The following LRRIQ1 variants were observed in gnomAD, a reference collection of about 807,000 sequenced individuals.
The protein encoded by LRRIQ1 is leucine rich repeats and IQ motif containing 1, also known as leucine-rich repeat- and IQ domain-containing protein 1.
LRRIQ1 carries 210 observed loss-of-function variants against 211.9 expected under a neutral mutation model. The observed-to-expected ratio is 0.99, with a 90% CI of 0.89 to 1.11. LRRIQ1 has a LOEUF of 1.11. LRRIQ1 is among the 50% of genes most tolerant of loss of function. The pLI is 0.00. For synonymous variants in LRRIQ1, 699 were observed against 650.1 expected (o/e 1.08, Z -1.14); for missense variants, 2,136 against 1,939.5 (o/e 1.10, Z -1.90).
At chr12:85,111,828 C>CT (rs1265041497) in intron 15 of LRRIQ1, among the ~76,000 whole-genome samples, 2 of 151,736 alleles carry the variant, frequency 1.3e-5, no homozygotes, top group African/African-American at 4.8e-5. Context: ...TTATAAAGGG[C>CT]TAAAATTCAG....
At chr12:85,127,588 G>C (rs1252551428) in intron 17 of LRRIQ1, among the ~76,000 whole-genome samples, 1 of 152,084 alleles carries the variant, frequency 6.6e-6, no homozygotes, top group Non-Finnish European at 1.5e-5. Context: ...CTCCTTAAAA[G>C]AAACAAATGA....
chr12:85,253,023 A>G (rs1895993189), intron 1 of LRRIQ1, among the ~76,000 whole-genome samples: 1 of 152,080 alleles, frequency 6.6e-6, no homozygotes, highest in Non-Finnish European at 1.5e-5. Flanking sequence ...ATTTTCAAAA[A>G]TAAAAAAAAG....
At chr12:85,215,214 A>AATTTGG (rs900484245) in intron 24 of LRRIQ1, among the ~76,000 whole-genome samples, 9 of 152,206 alleles carry the variant, frequency 5.9e-5, no homozygotes, top group Admixed American at 1.3e-4. Context: ...AATATATTAT[A>AATTTGG]ATTTGGGGTA....
intron 19 of LRRIQ1, among the ~76,000 whole-genome samples, chr12:85,143,607 T>C (rs748879604): frequency 2.0e-5 from 3 of 151,702 alleles, no homozygotes; most frequent in Non-Finnish European, 4.4e-5. Context: ...TTTGTGTTCA[T>C]TAATCATGCT....
chr12:85,102,959 A>AAATATAT (rs1458673370), intron 13 of LRRIQ1, among the ~76,000 whole-genome samples: 12 of 108,498 alleles, frequency 1.1e-4, no homozygotes, highest in African/African-American at 4.6e-4. Flanking sequence ...AAAAAAAAAA[A>AAATATAT]ATATATATAT....
intron 6 of LRRIQ1, among the ~76,000 whole-genome samples, chr12:85,051,491 C>G (rs776768726): frequency 6.6e-6 from 1 of 152,112 alleles, no homozygotes; most frequent in Non-Finnish European, 1.5e-5. Context: ...TTTCCTAGCT[C>G]AAAATGCTTA....
intron 23 of LRRIQ1, among the ~76,000 whole-genome samples, chr12:85,159,795 T>C (rs1890765496): frequency 1.3e-5 from 2 of 151,994 alleles, no homozygotes; most frequent in African/African-American, 4.8e-5. Context: ...ATAATACTTA[T>C]TTTATGAAAT....
chr12:85,161,446 A>C (rs866953430), intron 24 of LRRIQ1, among the ~76,000 whole-genome samples: 50 of 152,020 alleles, frequency 3.3e-4, no homozygotes, highest in African/African-American at 1.1e-3. Context: ...TTTTAGTATA[A>C]GTTTTTTATA....
At chr12:85,148,973 C>T (rs1025098863) in intron 19 of LRRIQ1, among the ~76,000 whole-genome samples, 8 of 151,700 alleles carry the variant, frequency 5.3e-5, no homozygotes, top group Non-Finnish European at 1.2e-4. Context: ...TGTTTATGTC[C>T]TTTGCTCGCT....
intron 15 of LRRIQ1, among the ~76,000 whole-genome samples, chr12:85,110,056 A>G (rs77598604): frequency 0.021 from 3,132 of 152,240 alleles, 138 homozygotes; most frequent in East Asian, 0.2. Context: ...TATAATACGC[A>G]TAATTTATTT....
chr12:85,234,795 G>A lies in LRRIQ1; in HGVS notation c.5016+2039G>A, dbSNP rs536911514. Among the ~76,000 whole-genome samples, 140 of 152,176 alleles carry A rather than the reference G, an allele frequency of 9.2e-4. 1 individual carries two copies. The highest frequency in any genetic ancestry group is 1.4e-3 in the Non-Finnish European group (95 of 67,992). On this transcript the variant is annotated intron_variant, in intron 26 of 26. Coordinates refer to ENST00000393217, the MANE Select transcript of LRRIQ1 (RefSeq NM_001079910.2). The stretch of plus-strand genomic sequence containing the variant: ...ATTAAAGGACAGAAAATTATGAAGC[G>A]AAAGTTATCAAATGTTAGAAAAGAC...
intron 17 of LRRIQ1, among the ~76,000 whole-genome samples, chr12:85,127,192 C>T (rs945914720): frequency 2.6e-5 from 4 of 152,160 alleles, no homozygotes; most frequent in Non-Finnish European, 1.5e-5. Flanking sequence ...TTTTAAATCA[C>T]GTTTTGCTAA....
chr12:85,059,731 T>C (rs1453823101), intron 8 of LRRIQ1, among the ~76,000 whole-genome samples: 2 of 151,940 alleles, frequency 1.3e-5, no homozygotes, highest in Non-Finnish European at 2.9e-5. Flanking sequence ...AGTCGAAATA[T>C]TTAATGTAGA....
intron 17 of LRRIQ1, chr12:85,124,756 GTAAA>G (rs949268975): frequency 1.8e-5 from 7 of 389,436 alleles, no homozygotes; most frequent in Non-Finnish European, 2.8e-5. Context: ...ATTTAAATGA[GTAAA>G]TGTGAGTTTT....
At chr12:85,063,661 A>T (rs1186256479) in intron 8 of LRRIQ1, among the ~76,000 whole-genome samples, 1 of 151,402 alleles carries the variant, frequency 6.6e-6, no homozygotes, top group Non-Finnish European at 1.5e-5. Context: ...TTTTGTACCC[A>T]TTCATCATCT....
rs139937338 is a variant in LRRIQ1, at chr12:85,191,759, A to G, written c.4822+31045A>G. On this transcript the variant is annotated intron_variant, in intron 24 of 26. Transcript: ENST00000393217. Reference sequence around the variant, plus strand: ...ACGTGACTGTACCATTTTCATTTTCACCAGCAATGAATGACAGTCCTGTCA... The same window carrying G: ...ACGTGACTGTACCATTTTCATTTTCGCCAGCAATGAATGACAGTCCTGTCA... Among the ~76,000 whole-genome samples, 672 of 152,026 alleles carry G rather than the reference A, an allele frequency of 4.4e-3. 6 individuals are homozygous for G. Among genetic ancestry groups the G allele is most frequent in the Non-Finnish European group, 6.9e-3 (466 of 67,932 alleles).
chr12:85,140,936 A>T (rs1283353222), intron 19 of LRRIQ1, among the ~76,000 whole-genome samples: 1 of 151,412 alleles, frequency 6.6e-6, no homozygotes, highest in East Asian at 1.9e-4. Flanking sequence ...ATAATGCATC[A>T]TCTTTTTCTA....
rs191782536 is a variant in LRRIQ1, at chr12:85,153,046, A to C, written c.4442A>C (p.Asp1481Ala). The change falls in exon 21 of 27, where the codon GAT (aspartate) becomes GCT (alanine). Residue 1481 changes from aspartate to alanine, a missense_variant. Transcript: ENST00000393217. The stretch of plus-strand genomic sequence containing the variant: ...AAGATTCCTGGAAACTTAAAATGGG[A>C]TGATACTTCATTTAATTTACCAAGT... ...WPKIPGNLKWDDTSFNLPSNP... is the reference protein window; with the variant it reads ...WPKIPGNLKWADTSFNLPSNP... The C allele has an allele frequency of 3.2e-3, 4,945 of 1,568,002 alleles. 34 individuals carry two copies. Among genetic ancestry groups the C allele is most frequent in the Non-Finnish European group, 2.7e-3 (3,123 of 1,149,912 alleles).
chr12:85,045,658 G>A (rs1015316158), intron 4 of LRRIQ1, among the ~76,000 whole-genome samples: 1 of 151,826 alleles, frequency 6.6e-6, no homozygotes, highest in Non-Finnish European at 1.5e-5. Context: ...AAAAGTTTGT[G>A]TATGTGAACA....
Sources: allele counts gnomAD v4.1 joint callset (sites outside exome capture counted in the v4.1 genomes callset), GRCh38; gene constraint gnomAD v4.1.1; transcripts MANE v1.5; gene names NCBI Gene and HGNC (gene_info 2026-07-23, HGNC 2026-07-21).